The following LGR5 variants were observed in gnomAD, a reference collection of about 807,000 sequenced individuals.
LGR5 encodes leucine rich repeat containing G protein-coupled receptor 5, also known as leucine-rich repeat-containing G protein-coupled receptor 5.
LGR5 carries 54 observed loss-of-function variants against 76.7 expected under a neutral mutation model. That is an observed-to-expected ratio of 0.70 (90% CI 0.57 to 0.88). The LOEUF (loss-of-function observed/expected upper bound fraction) is 0.88. Ranked by LOEUF, LGR5 falls within the 40% of genes least tolerant of loss-of-function variation. LGR5 has a pLI of 0.00. For missense variants in LGR5, 1,078 were observed against 1,073.3 expected (o/e 1.00, Z -0.06); for synonymous variants, 406 against 421.9 (o/e 0.96, Z 0.46).
intron 2 of LGR5, among the ~76,000 whole-genome samples, chr12:71,520,859 A>T (rs1053434496): frequency 3.3e-5 from 5 of 152,196 alleles, no homozygotes; most frequent in African/African-American, 9.6e-5. Context: ...CAGAACTTAA[A>T]GTATAATAAA....
chr12:71,550,117 T>C (rs1877399454), intron 4 of LGR5, among the ~76,000 whole-genome samples: 1 of 152,184 alleles, frequency 6.6e-6, no homozygotes, highest in Non-Finnish European at 1.5e-5. Context: ...CATAAATGCA[T>C]CCCAGTGTTT....
intron 16 of LGR5, among the ~76,000 whole-genome samples, chr12:71,581,177 T>C (rs1354179553): frequency 1.3e-5 from 2 of 152,252 alleles, no homozygotes; most frequent in African/African-American, 4.8e-5. Flanking sequence ...TTTAGATTCC[T>C]TCATATTTCA....
intron 15 of LGR5, among the ~76,000 whole-genome samples, chr12:71,579,615 C>T (rs1389515475): frequency 6.6e-6 from 1 of 152,002 alleles, no homozygotes; most frequent in Non-Finnish European, 1.5e-5. Flanking sequence ...GGTATTCATC[C>T]CCTCAAGCAT....
intron 10 of LGR5, 54 bp downstream of exon 10, chr12:71,566,754 C>A (rs987518291): frequency 1.3e-6 from 2 of 1,558,314 alleles, no homozygotes; most frequent in African/African-American, 1.4e-5. Flanking sequence ...GCCATTAGAG[C>A]TTGATCAGTC....
Position 71,578,808 on chromosome 12 carries a change from C to A in LGR5, c.1285C>A (p.Leu429Ile), listed in dbSNP as rs1248932051. Reference protein sequence around the residue: ...STLPSLIKLDLSSNLLSSFPI... With the variant: ...STLPSLIKLDISSNLLSSFPI... Reference sequence around the variant, plus strand: ...TTGTTGTTTGATGTTTTGCAGGGACCTATCGTCCAACCTCCTGTCGTCTTT... The same window carrying A: ...TTGTTGTTTGATGTTTTGCAGGGACATATCGTCCAACCTCCTGTCGTCTTT... Residue 429 changes from leucine (L) to isoleucine (I), a missense_variant, in exon 15 of 18, where the codon CTA becomes ATA. Coordinates refer to ENST00000266674, the MANE Select transcript of LGR5 (RefSeq NM_003667.4). 1 of 1,604,726 alleles carries A rather than the reference C, an allele frequency of 6.2e-7. No homozygotes were observed. Among genetic ancestry groups the A allele is most frequent in the Non-Finnish European group, 8.5e-7 (1 of 1,175,952 alleles).
At chr12:71,446,456 ATACTT>A (rs1871996746) in intron 1 of LGR5, among the ~76,000 whole-genome samples, 2 of 152,194 alleles carry the variant, frequency 1.3e-5, no homozygotes, top group Admixed American at 1.3e-4. Context: ...AAGATACTAA[ATACTT>A]TACTCAGTCA....
At chr12:71,476,774 G>A (rs78202711) in intron 1 of LGR5, among the ~76,000 whole-genome samples, 2,738 of 152,272 alleles carry the variant, frequency 0.018, 106 homozygotes, top group African/African-American at 0.063. Flanking sequence ...TGGGAACTAA[G>A]TTCCTAAGTG....
At chr12:71,555,636 C>T (rs749967439) in intron 5 of LGR5, among the ~76,000 whole-genome samples, 5 of 152,214 alleles carry the variant, frequency 3.3e-5, no homozygotes, top group Non-Finnish European at 7.3e-5. Context: ...CTACATCTAT[C>T]CTCCAGGTGT....
In LGR5 at chr12:71,580,343, T is replaced by C. The variant is rs139070403; in HGVS notation, c.1472T>C (p.Ile491Thr). The change falls in exon 16 of 18, where the codon ATT becomes ACT. Residue 491 changes from isoleucine to threonine, a missense_variant. By Grantham distance (89) the Ile-to-Thr change is moderately conservative. Coordinates refer to ENST00000266674, the MANE Select transcript of LGR5 (RefSeq NM_003667.4). ...AFGVCENAYK[I>T]SNQWNKGDNS... is the part of the protein sequence containing the mutation. ...GGAGTGTGTGAGAATGCCTATAAGA[T>C]TTCTAATCAATGGAATAAAGGTGAC... 1.9e-6 allele frequency: 3 copies of C among 1,613,908 alleles called. No homozygotes were observed. The African/African-American group carries it at 4.0e-5, about 22-fold the overall frequency.
At chr12:71,582,646 C>A in intron 17 of LGR5, 107 bp downstream of exon 17, 1 of 779,198 alleles carries the variant, frequency 1.3e-6, no homozygotes, top group African/African-American at 1.7e-5. Context: ...GCCAACTTTG[C>A]AGCTCATCAG....
chr12:71,492,881 G>A (rs867806264), intron 1 of LGR5, among the ~76,000 whole-genome samples: 2 of 149,510 alleles, frequency 1.3e-5, no homozygotes, highest in African/African-American at 2.6e-5. Context: ...TTCTTTTAGC[G>A]TTTCACCTTT....
chr12:71,538,476 G>A (rs185196586), intron 4 of LGR5, among the ~76,000 whole-genome samples: 17 of 152,066 alleles, frequency 1.1e-4, no homozygotes, highest in Admixed American at 9.8e-4. Flanking sequence ...CCCTGATCAT[G>A]CCACTGCACT....
chr12:71,472,711 G>A (rs1444044706), intron 1 of LGR5, among the ~76,000 whole-genome samples: 3 of 152,244 alleles, frequency 2.0e-5, no homozygotes, highest in Non-Finnish European at 4.4e-5. Flanking sequence ...AGAAAGGATA[G>A]GGCTGGGGGA....
At chr12:71,548,755 G>C (rs1006147566) in intron 4 of LGR5, among the ~76,000 whole-genome samples, 20 of 151,708 alleles carry the variant, frequency 1.3e-4, no homozygotes, top group African/African-American at 4.9e-4. Flanking sequence ...TCTAGAATTG[G>C]CTGGAACCTG....
chr12:71,523,341 C>T (rs1448299425), intron 2 of LGR5, among the ~76,000 whole-genome samples: 1 of 152,014 alleles, frequency 6.6e-6, no homozygotes, highest in Non-Finnish European at 1.5e-5. Flanking sequence ...TCCCCAAATC[C>T]CCATCTCCAT....
intron 3 of LGR5, among the ~76,000 whole-genome samples, chr12:71,528,175 G>C (rs1219381239): frequency 6.6e-6 from 1 of 152,158 alleles, no homozygotes; most frequent in Non-Finnish European, 1.5e-5. Context: ...CGTGTTCGTA[G>C]CTGGGCACGG....
At chr12:71,493,333 T>C (rs1874162284) in intron 1 of LGR5, among the ~76,000 whole-genome samples, 1 of 151,344 alleles carries the variant, frequency 6.6e-6, no homozygotes, top group Non-Finnish European at 1.5e-5. Context: ...TAATATTATG[T>C]GTATAAACTG....
At chr12:71,537,273 A>G (rs1254213455) in intron 4 of LGR5, among the ~76,000 whole-genome samples, 2 of 151,906 alleles carry the variant, frequency 1.3e-5, no homozygotes, top group African/African-American at 4.8e-5. Context: ...TGGGCAACAT[A>G]GTGAGACACC....
At chr12:71,513,996 A>G (rs1252630578) in intron 2 of LGR5, among the ~76,000 whole-genome samples, 1 of 152,160 alleles carries the variant, frequency 6.6e-6, no homozygotes, top group Non-Finnish European at 1.5e-5. Context: ...AAGGGTACCA[A>G]ATGAGCTAGG....
Sources: allele counts gnomAD v4.1 joint callset (sites outside exome capture counted in the v4.1 genomes callset), GRCh38; gene constraint gnomAD v4.1.1; transcripts MANE v1.5; gene names NCBI Gene and HGNC (gene_info 2026-07-23, HGNC 2026-07-21).